The following FRMD4A variants were observed in gnomAD, a reference collection of about 807,000 sequenced individuals.
FRMD4A encodes FERM domain containing 4A.
A neutral mutation model predicts 129.1 loss-of-function variants in FRMD4A; 29 were observed. That is an observed-to-expected ratio of 0.22 (90% CI 0.17 to 0.31). The LOEUF (loss-of-function observed/expected upper bound fraction) is 0.31, where lower values mean the gene tolerates loss of function less well. FRMD4A is among the 10% of genes least tolerant of loss of function. The pLI is 1.00. For missense variants in FRMD4A, 1,272 were observed against 1,375.8 expected (o/e 0.92, Z 1.19); for synonymous variants, 634 against 571.6 (o/e 1.11, Z -1.56).
At chr10:14,135,925 G>A (rs1839511896) in intron 2 of FRMD4A, among the ~76,000 whole-genome samples, 2 of 152,172 alleles carry the variant, frequency 1.3e-5, no homozygotes, top group African/African-American at 2.4e-5. Flanking sequence ...AAATAAAGAT[G>A]CTATATTGAA....
intron 2 of FRMD4A, among the ~76,000 whole-genome samples, chr10:14,115,774 T>G (rs985365562): frequency 1.3e-5 from 2 of 152,178 alleles, no homozygotes; most frequent in Non-Finnish European, 2.9e-5. Flanking sequence ...CTTCCTGAGG[T>G]CTGCACCAGA....
intron 2 of FRMD4A, among the ~76,000 whole-genome samples, chr10:13,907,195 C>A (rs1217826469): frequency 6.6e-6 from 1 of 152,074 alleles, no homozygotes; most frequent in Non-Finnish European, 1.5e-5. Flanking sequence ...ATAGAAAATG[C>A]ACCTGAGTTG....
chr10:13,935,553 ATTG>A (rs776981221), intron 2 of FRMD4A, among the ~76,000 whole-genome samples: 2 of 150,792 alleles, frequency 1.3e-5, no homozygotes, highest in African/African-American at 4.9e-5. Flanking sequence ...AGGTAAAAAT[ATTG>A]TTGTATATGG....
chr10:14,263,776 C>T (rs987507030), intron 2 of FRMD4A, among the ~76,000 whole-genome samples: 1 of 152,094 alleles, frequency 6.6e-6, no homozygotes, highest in Non-Finnish European at 1.5e-5. Flanking sequence ...ATCAGGTTCT[C>T]GGTTTTCACT....
At chr10:13,674,580 A>G (rs2083805346) in intron 16 of FRMD4A, among the ~76,000 whole-genome samples, 1 of 152,210 alleles carries the variant, frequency 6.6e-6, no homozygotes, top group South Asian at 2.1e-4. Context: ...CAACCCTTTA[A>G]GCATATTCTT....
chr10:14,311,135 CA>C (rs1460035519), intron 2 of FRMD4A, among the ~76,000 whole-genome samples: 1 of 152,102 alleles, frequency 6.6e-6, no homozygotes, highest in African/African-American at 2.4e-5. Context: ...CTGTGGCCAC[CA>C]GTGCGCCAGC....
chr10:14,286,476 T>C lies in FRMD4A; in HGVS notation c.45+43582A>G, dbSNP rs116973350. Among the ~76,000 whole-genome samples the C allele has an allele frequency of 2.9e-3, 439 of 152,288 alleles. 2 individuals carry two copies. The highest frequency in any genetic ancestry group is 5.2e-3 in the Non-Finnish European group (351 of 68,022). On this transcript the variant is annotated intron_variant, in intron 2 of 24. Coordinates refer to ENST00000357447, the MANE Select transcript of FRMD4A (RefSeq NM_018027.5). ...ATTCATGCTGCTCTTTCTTAAGTAG[T>C]GGCTTGAGAAACAATGTGCCAGGAA...
chr10:14,236,624 A>G (rs939899576), intron 2 of FRMD4A, among the ~76,000 whole-genome samples: 2 of 152,162 alleles, frequency 1.3e-5, no homozygotes, highest in Non-Finnish European at 2.9e-5. Context: ...GTCTAGGTCA[A>G]TGAGTCGGTG....
intron 6 of FRMD4A, among the ~76,000 whole-genome samples, chr10:13,767,892 A>G (rs762829533): frequency 6.6e-6 from 1 of 152,160 alleles, no homozygotes; most frequent in African/African-American, 2.4e-5. Flanking sequence ...TGGGCATGGA[A>G]TAATTACTTT....
At chr10:14,144,774 G>A (rs17325987) in intron 2 of FRMD4A, among the ~76,000 whole-genome samples, 19,282 of 152,058 alleles carry the variant, frequency 0.13, 1,372 homozygotes, top group East Asian at 0.18. Context: ...CTTTGGAAGC[G>A]GAAACACCTA....
chr10:13,911,023 C>A (rs1456494487), intron 2 of FRMD4A, among the ~76,000 whole-genome samples: 4 of 151,638 alleles, frequency 2.6e-5, no homozygotes, highest in African/African-American at 7.3e-5. Context: ...TAGGTATATC[C>A]TTTTCCTTCT....
chr10:13,940,476 C>T (rs1035911064), intron 2 of FRMD4A, among the ~76,000 whole-genome samples: 3 of 152,084 alleles, frequency 2.0e-5, no homozygotes, highest in African/African-American at 4.8e-5. Context: ...TAATTGGATG[C>T]CATACATGTT....
chr10:14,286,144 C>T (rs1845674311), intron 2 of FRMD4A, among the ~76,000 whole-genome samples: 1 of 152,200 alleles, frequency 6.6e-6, no homozygotes, highest in Admixed American at 6.5e-5. Context: ...ATCTAAGCTC[C>T]TGTTCTTCTT....
intron 2 of FRMD4A, among the ~76,000 whole-genome samples, chr10:14,243,072 CCATCCAT>C: frequency 1.6e-4 from 1 of 6,386 alleles, no homozygotes; most frequent in Non-Finnish European, 7.1e-4. Flanking sequence ...ATTCATCCAT[CCATCCAT>C]ACACACACAC....
chr10:13,761,607 T>A (rs1317313214), intron 8 of FRMD4A, 40 bp downstream of exon 8: 3 of 1,492,698 alleles, frequency 2.0e-6, no homozygotes, highest in African/African-American at 1.4e-5. Context: ...AAGCAAGGGC[T>A]TACATTTTAA....
chr10:14,119,620 G>C (rs911629608), intron 2 of FRMD4A, among the ~76,000 whole-genome samples: 1 of 152,156 alleles, frequency 6.6e-6, no homozygotes, highest in African/African-American at 2.4e-5. Context: ...GTGATTAATG[G>C]AGGCCTGTAG....
rs200127098 is a variant in FRMD4A, at chr10:13,715,051, T to A, written c.760-7938A>T. On this transcript the variant is annotated intron_variant, in intron 12 of 24. Transcript: ENST00000357447. ...AAGACTCCGTCTCAAAAATAAAAAA[T>A]TAAAAAAAAAAATTAGAAGTGCCGC... 1.7e-4 allele frequency among the ~76,000 whole-genome samples: 16 copies of A among 91,798 alleles called. No individual in the cohort carries two copies. The East Asian group carries it at 5.5e-3, about 31-fold the overall frequency. The allele number at this position is 91,798 out of a possible 152,430, so 60.2% of individuals were successfully genotyped here.
chr10:13,873,176 CA>C (rs201298334), intron 2 of FRMD4A, among the ~76,000 whole-genome samples: 11 of 107,632 alleles, frequency 1.0e-4, no homozygotes, highest in African/African-American at 4.0e-4. Context: ...GACACTGTCT[CA>C]AAAAAAATAA....
intron 2 of FRMD4A, among the ~76,000 whole-genome samples, chr10:14,291,936 G>A (rs2132076258): frequency 6.6e-6 from 1 of 152,150 alleles, no homozygotes; most frequent in Admixed American, 6.5e-5. Flanking sequence ...AAAATGTGAT[G>A]TATTAAAGCT....
Sources: allele counts gnomAD v4.1 joint callset (sites outside exome capture counted in the v4.1 genomes callset), GRCh38; gene constraint gnomAD v4.1.1; transcripts MANE v1.5; gene names NCBI Gene and HGNC (gene_info 2026-07-23, HGNC 2026-07-21).